The following DACH1 variants were observed in gnomAD, a reference collection of about 807,000 sequenced individuals.
DACH1 encodes the protein dachshund homolog 1.
In DACH1, 12 loss-of-function variants were observed where a neutral mutation model predicts 54.2. That is an observed-to-expected ratio of 0.22 (90% CI 0.14 to 0.36). The LOEUF is 0.36. Ranked by LOEUF, DACH1 falls within the 10% of genes least tolerant of loss-of-function variation. The pLI is 1.00. For missense variants in DACH1, 805 were observed against 929.8 expected (o/e 0.87, Z 1.75); for synonymous variants, 386 against 366.2 (o/e 1.05, Z -0.62).
intron 10 of DACH1, among the ~76,000 whole-genome samples, chr13:71,472,998 C>T (rs1189583432): frequency 6.6e-6 from 1 of 152,142 alleles, no homozygotes; most frequent in Non-Finnish European, 1.5e-5. Context: ...AATATGATCT[C>T]TTTGCTCTGT....
intron 7 of DACH1, among the ~76,000 whole-genome samples, chr13:71,484,017 A>G (rs1008564728): frequency 1.3e-5 from 2 of 152,232 alleles, no homozygotes; most frequent in African/African-American, 2.4e-5. Context: ...TAAGTGATGC[A>G]TGACTATAGT....
At chr13:71,677,974 T>A (rs771947150) in intron 2 of DACH1, among the ~76,000 whole-genome samples, 10 of 152,158 alleles carry the variant, frequency 6.6e-5, no homozygotes, top group Non-Finnish European at 1.5e-4. Flanking sequence ...TGTCTCAGCC[T>A]CCCAAAGTGC....
At chr13:71,480,275 G>T (rs180766793) in intron 7 of DACH1, among the ~76,000 whole-genome samples, 1 of 152,146 alleles carries the variant, frequency 6.6e-6, no homozygotes, top group East Asian at 1.9e-4. Flanking sequence ...AGCCATTCAA[G>T]ATGGTTGTAA....
intron 1 of DACH1, among the ~76,000 whole-genome samples, chr13:71,779,171 A>G (rs1594210369): frequency 8.0e-6 from 1 of 124,628 alleles, no homozygotes; most frequent in African/African-American, 3.1e-5. Context: ...ATATACGTAT[A>G]TATATACACA....
At chr13:71,858,089 T>C (rs1281331119) in intron 1 of DACH1, among the ~76,000 whole-genome samples, 1 of 151,694 alleles carries the variant, frequency 6.6e-6, no homozygotes, top group East Asian at 1.9e-4. Flanking sequence ...TTTCATTGCC[T>C]TTACTGAAGA....
intron 6 of DACH1, among the ~76,000 whole-genome samples, chr13:71,489,364 A>T (rs1232151680): frequency 6.6e-6 from 1 of 152,174 alleles, no homozygotes; most frequent in Non-Finnish European, 1.5e-5. Context: ...TTTTAAATGC[A>T]GTCTCTAATG....
At chr13:71,643,733 A>G (rs564624980) in intron 2 of DACH1, among the ~76,000 whole-genome samples, 3 of 152,320 alleles carry the variant, frequency 2.0e-5, no homozygotes, top group Non-Finnish European at 4.4e-5. Context: ...ATAAACTTTC[A>G]TTGAAGGTTT....
chr13:71,589,870 G>A (rs939621854), intron 3 of DACH1, among the ~76,000 whole-genome samples: 1 of 151,862 alleles, frequency 6.6e-6, no homozygotes, highest in Non-Finnish European at 1.5e-5. Flanking sequence ...TTCAGTAAAT[G>A]ACAGCACATT....
At chr13:71,735,435 A>AT (rs1366027200) in intron 1 of DACH1, among the ~76,000 whole-genome samples, 1 of 14,130 alleles carries the variant, frequency 7.1e-5, no homozygotes, top group African/African-American at 1.3e-4. Flanking sequence ...ATACACGTAT[A>AT]CGGATATACG....
At chr13:71,851,838 C>A (rs1873687833) in intron 1 of DACH1, among the ~76,000 whole-genome samples, 1 of 152,182 alleles carries the variant, frequency 6.6e-6, no homozygotes, top group Non-Finnish European at 1.5e-5. Flanking sequence ...CTTGGGACTA[C>A]TTCGGATGAA....
intron 1 of DACH1, among the ~76,000 whole-genome samples, chr13:71,707,140 T>C (rs1030344791): frequency 3.9e-5 from 6 of 152,320 alleles, no homozygotes; most frequent in African/African-American, 1.4e-4. Flanking sequence ...CTCATGGAAC[T>C]TGCAAGCTCT....
intron 2 of DACH1, among the ~76,000 whole-genome samples, chr13:71,660,535 G>T (rs938242089): frequency 1.3e-5 from 2 of 151,962 alleles, no homozygotes; most frequent in African/African-American, 4.8e-5. Context: ...ATATTGGGAC[G>T]AGCAGAGGCA....
At chr13:71,478,891 T>C (rs936250816) in intron 8 of DACH1, among the ~76,000 whole-genome samples, 17 of 152,178 alleles carry the variant, frequency 1.1e-4, no homozygotes, top group Admixed American at 1.1e-3. Flanking sequence ...TTTATTCTTA[T>C]CTTAAAGAAC....
intron 3 of DACH1, among the ~76,000 whole-genome samples, chr13:71,619,637 A>G (rs1418745051): frequency 6.6e-6 from 1 of 151,944 alleles, no homozygotes; most frequent in Admixed American, 6.6e-5. Flanking sequence ...AATAATTAAG[A>G]AAACAGATTA....
chr13:71,838,586 G>T (rs1271873798), intron 1 of DACH1, among the ~76,000 whole-genome samples: 1 of 152,182 alleles, frequency 6.6e-6, no homozygotes, highest in African/African-American at 2.4e-5. Context: ...AAAACAATGT[G>T]CATGATTGTT....
In DACH1 at chr13:71,793,742, G is replaced by T. The variant is rs1175749526; in HGVS notation, c.848+72180C>A. 2.0e-5 allele frequency among the ~76,000 whole-genome samples: 3 copies of T among 152,074 alleles called. No homozygotes were observed. In the East Asian group the frequency reaches 5.8e-4, roughly 29 times the overall value. On this transcript the variant is annotated intron_variant, in intron 1 of 10. Coordinates refer to ENST00000613252, the MANE Select transcript of DACH1 (RefSeq NM_080759.6). ...AGGTCTCACTATGCTGCCCAGGCTG[G>T]TCTCAAACTACTGGGTTTAAGCGAT...
intron 1 of DACH1, among the ~76,000 whole-genome samples, chr13:71,828,571 A>G (rs992098340): frequency 1.3e-5 from 2 of 152,072 alleles, no homozygotes; most frequent in African/African-American, 4.8e-5. Context: ...ACCATGAAAC[A>G]TTAGCGTAAG....
intron 6 of DACH1, among the ~76,000 whole-genome samples, chr13:71,551,476 T>C (rs1883811042): frequency 6.6e-6 from 1 of 152,148 alleles, no homozygotes; most frequent in Non-Finnish European, 1.5e-5. Flanking sequence ...AAACAGCCTC[T>C]GGAAACCAGC....
chr13:71,804,465 C>G (rs1887414698), intron 1 of DACH1, among the ~76,000 whole-genome samples: 2 of 152,166 alleles, frequency 1.3e-5, no homozygotes, highest in Admixed American at 1.3e-4. Flanking sequence ...TTATAACCTC[C>G]TATTTCACCT....
Sources: gnomAD v4.1 joint callset for allele counts (sites outside exome capture counted in the v4.1 genomes callset) on GRCh38, gnomAD v4.1.1 for gene constraint, MANE v1.5 for transcripts, NCBI Gene and HGNC (gene_info 2026-07-23, HGNC 2026-07-21) for gene names.